The following ATP10B variants were observed in gnomAD, a reference collection of about 807,000 sequenced individuals.
ATP10B encodes the protein phospholipid-transporting ATPase VB.
A neutral mutation model predicts 141.2 loss-of-function variants in ATP10B; 122 were observed. That is an observed-to-expected ratio of 0.86 (90% CI 0.75 to 1.00). ATP10B has a LOEUF of 1.00. Ranked by LOEUF, ATP10B falls within the 50% of genes least tolerant of loss-of-function variation. The pLI, the probability that ATP10B is intolerant of heterozygous loss-of-function variation, is 0.00. For synonymous variants in ATP10B, 685 were observed against 692.0 expected (o/e 0.99, Z 0.16); for missense variants, 1,876 against 1,825.3 (o/e 1.03, Z -0.51).
chr5:160,596,397 A>G (rs892502873), intron 22 of ATP10B, among the ~76,000 whole-genome samples: 12 of 145,732 alleles, frequency 8.2e-5, no homozygotes, highest in Non-Finnish European at 1.1e-4. Context: ...GTATTTCAAA[A>G]TAATAAGAGC....
the ATP10B span, among the ~76,000 whole-genome samples, chr5:160,860,656 CTT>C: frequency 6.6e-6 from 1 of 151,916 alleles, no homozygotes; most frequent in African/African-American, 2.4e-5. Flanking sequence ...TAGTGGATAA[CTT>C]TTTGGTCCTT....
At chr5:160,629,261 G>A (rs1758781774) in intron 13 of ATP10B, among the ~76,000 whole-genome samples, 1 of 152,162 alleles carries the variant, frequency 6.6e-6, no homozygotes, top group South Asian at 2.1e-4. Flanking sequence ...GGCTGCCACA[G>A]GAGCTCTCTA....
At chr5:160,766,279 CAATTGCAAAA>C (rs1381258681) in intron 2 of ATP10B, among the ~76,000 whole-genome samples, 12 of 17,068 alleles carry the variant, frequency 7.0e-4, no homozygotes, top group African/African-American at 4.2e-3. Context: ...GCACAATTTG[CAATTGCAAAA>C]ATACGGAACC....
intron 1 of ATP10B, among the ~76,000 whole-genome samples, chr5:160,794,059 A>T (rs1771779318): frequency 1.3e-5 from 2 of 152,224 alleles, no homozygotes; most frequent in African/African-American, 2.4e-5. Context: ...TTTCCCTGTC[A>T]TTGACATGTG....
chr5:160,834,112 GC>G (rs1427313084), intron 1 of ATP10B, among the ~76,000 whole-genome samples: 1 of 151,888 alleles, frequency 6.6e-6, no homozygotes, highest in South Asian at 2.1e-4. Flanking sequence ...ATCACTTGAG[GC>G]CAGGAGTTTG....
rs1330987644 is a variant in ATP10B, at chr5:160,680,154, G to A, written c.470+5925C>T. ...TGGATGATGCATGGGCTTAGGTCAT[G>A]AGCAAAATTCCAAGGGCTCTAGTAT... is the stretch of plus-strand genomic sequence containing the variant. On this transcript the variant is annotated intron_variant, in intron 6 of 25. Transcript: ENST00000327245. Among the ~76,000 whole-genome samples the A allele has an allele frequency of 3.9e-5, 6 of 151,902 alleles. No individual in the cohort carries two copies. The East Asian group carries it at 1.2e-3, about 29-fold the overall frequency.
the ATP10B span, among the ~76,000 whole-genome samples, chr5:160,926,686 G>C: frequency 6.6e-6 from 1 of 152,256 alleles, no homozygotes; most frequent in African/African-American, 2.4e-5. Context: ...TGGTTGCCAA[G>C]GAGGAAGCAT....
chr5:160,700,970 T>C (rs1255006856), intron 3 of ATP10B, among the ~76,000 whole-genome samples: 1 of 152,104 alleles, frequency 6.6e-6, no homozygotes, highest in African/African-American at 2.4e-5. Context: ...TCATATCCAA[T>C]CAATTATCAA....
the ATP10B span, among the ~76,000 whole-genome samples, chr5:160,878,939 G>T: frequency 1.4e-5 from 2 of 142,160 alleles, no homozygotes; most frequent in Non-Finnish European, 3.0e-5. Context: ...CTGTTGGTGG[G>T]ACTGTAAACT....
intron 17 of ATP10B, chr5:160,614,103 AC>A (rs1298549917): frequency 6.6e-6 from 1 of 152,034 alleles, no homozygotes; most frequent in Non-Finnish European, 1.5e-5. Flanking sequence ...TTGAGGGGAG[AC>A]AAAGAACCCC....
At chr5:160,773,225 T>G (rs1770036126) in intron 2 of ATP10B, among the ~76,000 whole-genome samples, 1 of 152,318 alleles carries the variant, frequency 6.6e-6, no homozygotes, top group South Asian at 2.1e-4. Context: ...CCTGGTCTCG[T>G]TCCTCAGACA....
chr5:160,831,135 C>T (rs1284872235), intron 1 of ATP10B, among the ~76,000 whole-genome samples: 4 of 151,210 alleles, frequency 2.6e-5, no homozygotes, highest in Admixed American at 6.6e-5. Flanking sequence ...TTTAGATTCA[C>T]TCAGCCCAAA....
intron 10 of ATP10B, among the ~76,000 whole-genome samples, chr5:160,638,803 TC>T (rs1156741041): frequency 2.0e-5 from 3 of 152,226 alleles, no homozygotes; most frequent in African/African-American, 7.2e-5. Context: ...TGAGTTTTTC[TC>T]TTGATTGTCC....
intron 6 of ATP10B, among the ~76,000 whole-genome samples, chr5:160,675,801 GA>G (rs1045896758): frequency 6.7e-6 from 1 of 149,886 alleles, no homozygotes; most frequent in Non-Finnish European, 1.5e-5. Context: ...TGGGGTTGGG[GA>G]GGTGGATTAG....
chr5:160,726,345 A>G (rs1040195896), intron 2 of ATP10B, among the ~76,000 whole-genome samples: 2 of 152,220 alleles, frequency 1.3e-5, no homozygotes, highest in Non-Finnish European at 2.9e-5. Context: ...AAACAGGCCC[A>G]GGCATCAGCA....
intron 25 of ATP10B, among the ~76,000 whole-genome samples, chr5:160,566,575 T>G (rs917125046): frequency 7.5e-5 from 11 of 147,610 alleles, no homozygotes; most frequent in African/African-American, 2.7e-4. Context: ...GTTGACTGAC[T>G]CAAGGATTTT....
intron 2 of ATP10B, among the ~76,000 whole-genome samples, chr5:160,771,636 C>T (rs915710532): frequency 3.3e-5 from 5 of 151,904 alleles, no homozygotes; most frequent in African/African-American, 7.3e-5. Context: ...CTCACATAGT[C>T]TCTCCCCACT....
chr5:160,687,011 G>C (rs1763797150), intron 5 of ATP10B: 1 of 967,556 alleles, frequency 1.0e-6, no homozygotes. Flanking sequence ...GCCTTTGCAT[G>C]TACAGGTCTG....
intron 1 of ATP10B, among the ~76,000 whole-genome samples, chr5:160,836,141 A>G (rs1478142756): frequency 6.6e-6 from 1 of 152,042 alleles, no homozygotes; most frequent in Non-Finnish European, 1.5e-5. Context: ...AGATTATTTA[A>G]TGAGTACAAT....
Sources: gnomAD v4.1 joint callset for allele counts (sites outside exome capture counted in the v4.1 genomes callset) on GRCh38, gnomAD v4.1.1 for gene constraint, MANE v1.5 for transcripts, NCBI Gene and HGNC (gene_info 2026-07-23, HGNC 2026-07-21) for gene names.